The following ZDHHC11B variants were observed in gnomAD, a reference collection of about 807,000 sequenced individuals.
The protein encoded by ZDHHC11B is zDHHC palmitoyltransferase 11B (putative).
ZDHHC11B carries 17 observed loss-of-function variants against 42.3 expected under a neutral mutation model. That is an observed-to-expected ratio of 0.40 (90% CI 0.27 to 0.60). The LOEUF (loss-of-function observed/expected upper bound fraction) is 0.60, where lower values mean the gene tolerates loss of function less well. Ranked by LOEUF, ZDHHC11B falls within the 20% of genes least tolerant of loss-of-function variation. ZDHHC11B has a pLI of 0.41. For synonymous variants in ZDHHC11B, 123 were observed against 193.5 expected (o/e 0.64, Z 3.02); for missense variants, 262 against 463.2 (o/e 0.57, Z 3.99).
chr5:721,568 G>A (rs1205164963), intron 12 of ZDHHC11B, among the ~76,000 whole-genome samples: 1 of 151,370 alleles, frequency 6.6e-6, no homozygotes, highest in Non-Finnish European at 1.5e-5. Context: ...CGAGGATGGG[G>A]GTGGGATGTG....
intron 1 of ZDHHC11B, among the ~76,000 whole-genome samples, chr5:777,955 G>A (rs60949144): frequency 0.047 from 6,873 of 147,440 alleles, 5 homozygotes; most frequent in East Asian, 0.12. Context: ...GGCGGGTCCC[G>A]AGCCCTGCCC....
chr5:726,216 T>A (rs982362977), intron 12 of ZDHHC11B, among the ~76,000 whole-genome samples: 12 of 151,652 alleles, frequency 7.9e-5, no homozygotes, highest in African/African-American at 2.9e-4. Context: ...GTGAATGGAC[T>A]TTCCCCGTGT....
chr5:752,809 C>T (rs1745951860), intron 6 of ZDHHC11B, among the ~76,000 whole-genome samples: 4 of 104,784 alleles, frequency 3.8e-5, no homozygotes, highest in African/African-American at 1.1e-4. Flanking sequence ...CCTACCCTGC[C>T]CCCAGTCCTC....
Position 752,928 on chromosome 5 carries a change from G to C in ZDHHC11B, c.504-1671C>G, listed in dbSNP as rs1745965399. On this transcript the variant is annotated intron_variant, in intron 6 of 13. Coordinates refer to ENST00000508859, the MANE Select transcript of ZDHHC11B (RefSeq NM_001351303.2). Reference sequence around the variant, plus strand: ...AAGAAGGCGGGTCTCTAAGACCACAGAGACCAGAGACCACAGAGACCAAAG... The same window carrying C: ...AAGAAGGCGGGTCTCTAAGACCACACAGACCAGAGACCACAGAGACCAAAG... Among the ~76,000 whole-genome samples the C allele has an allele frequency of 1.6e-5, 2 of 127,964 alleles. 1 individual carries two copies. The highest frequency in any genetic ancestry group is 3.5e-5 in the Non-Finnish European group (2 of 57,294). 83.9% of individuals were successfully genotyped at this position (127,964 alleles called of 152,430 possible).
chr5:751,445 A>ATGC (rs1745693760), intron 6 of ZDHHC11B, among the ~76,000 whole-genome samples, 188 bp from the exon 7 acceptor site: 1 of 26,716 alleles, frequency 3.7e-5, no homozygotes, highest in African/African-American at 9.6e-5. Context: ...AGGCAGGGGC[A>ATGC]GGGACACGCA....
rs750955786 is a variant in ZDHHC11B, at chr5:748,503, G to T, written c.685C>A (p.Gln229Lys). 7.3e-7 allele frequency: 1 copy of T among 1,365,078 alleles called. No individual in the cohort carries two copies. Among genetic ancestry groups the T allele is most frequent in the Non-Finnish European group, 9.8e-7 (1 of 1,024,890 alleles). The allele number at this position is 1,365,078 out of a possible 1,614,324, so 84.6% of individuals were successfully genotyped here. A position where few individuals can be genotyped will look rare whatever the true frequency, so the allele number is the denominator to read the frequency against. ...CTGATGATCACGACTATCAGAGTCT[G>T]CACCTGCACCGGGAACAGGGGGAGG... ...LFLPLFPVQV[Q>K]TLIVVIIRML... The change falls in exon 8 of 14, where the codon CAG (glutamine) becomes AAG (lysine). Residue 229 changes from glutamine (Q) to lysine (K), a missense_variant. Gln to Lys is a moderately conservative substitution (Grantham distance 53, BLOSUM62 1). Around this residue, in one of 5 missense-constraint regions of ZDHHC11B, gnomAD observed 57 missense variants for 103.3 expected, o/e 0.55. Coordinates refer to ENST00000508859, the MANE Select transcript of ZDHHC11B (RefSeq NM_001351303.2).
chr5:765,256 C>T (rs1245138971), intron 4 of ZDHHC11B, among the ~76,000 whole-genome samples: 1 of 151,494 alleles, frequency 6.6e-6, no homozygotes, highest in Non-Finnish European at 1.5e-5. Flanking sequence ...CTATGTCTAG[C>T]TCGAGGTTTG....
intron 7 of ZDHHC11B, among the ~76,000 whole-genome samples, chr5:750,878 G>A (rs868253891): frequency 0.027 from 3,375 of 123,264 alleles, 35 homozygotes; most frequent in African/African-American, 0.087. Flanking sequence ...ACTGTCTCTC[G>A]CCTGACACGA....
At chr5:732,651 G>A (rs1229213936) in intron 11 of ZDHHC11B, 2 of 451,618 alleles carry the variant, frequency 4.4e-6, no homozygotes, top group Non-Finnish European at 8.9e-6. Context: ...CTGGGGAAGT[G>A]CGGTGAGGCG....
chr5:764,507 C>T, intron 4 of ZDHHC11B, among the ~76,000 whole-genome samples: 1 of 151,924 alleles, frequency 6.6e-6, no homozygotes, highest in Admixed American at 6.6e-5. Context: ...AGCACCTAGG[C>T]CAGCAGCTGT....
chr5:713,607 GC>G (rs1741526201), intron 13 of ZDHHC11B, among the ~76,000 whole-genome samples: 1 of 151,978 alleles, frequency 6.6e-6, no homozygotes, highest in African/African-American at 2.4e-5. Flanking sequence ...ATTATGCTTG[GC>G]TCCTGGGAAT....
intron 1 of ZDHHC11B, among the ~76,000 whole-genome samples, chr5:774,669 G>A (rs1736324113): frequency 6.7e-6 from 1 of 150,028 alleles, no homozygotes; most frequent in South Asian, 2.1e-4. Flanking sequence ...TGCCCCTTGG[G>A]CCTGGAGCCT....
At chr5:766,180 A>T (rs1735321225) in intron 4 of ZDHHC11B, among the ~76,000 whole-genome samples, 1 of 151,764 alleles carries the variant, frequency 6.6e-6, no homozygotes, top group South Asian at 2.1e-4. Context: ...CTGGAAGATG[A>T]TGGGAGCAGA....
At position 711,204 on chromosome 5, in the gene ZDHHC11B, C is replaced by G. The variant is rs62332063; in HGVS notation, c.*1086G>C. On this transcript the variant is annotated 3_prime_UTR_variant, in exon 14 of 14. Coordinates refer to ENST00000508859, the MANE Select transcript of ZDHHC11B (RefSeq NM_001351303.2). ...ATGCTCCCATTTCCCAGTGCTGTGC[C>G]CTCCCCTTTCCCAGTACTGTGCTCC... 0.56 allele frequency: 77,157 copies of G among 138,424 alleles called. 17,668 individuals are homozygous for G. The highest frequency in any genetic ancestry group is 0.62 in the Middle Eastern group (1,171 of 1,874). 8.6% of individuals were successfully genotyped at this position (138,424 alleles called of 1,614,324 possible).
At chr5:770,391 A>G (rs1161965434) in intron 1 of ZDHHC11B, among the ~76,000 whole-genome samples, 3 of 150,118 alleles carry the variant, frequency 2.0e-5, no homozygotes, top group African/African-American at 4.9e-5. Flanking sequence ...TAAAGCCAGC[A>G]GCACGCAGAG....
At chr5:761,601 A>G (rs6889210) in intron 4 of ZDHHC11B, among the ~76,000 whole-genome samples, 4,702 of 150,896 alleles carry the variant, frequency 0.031, 265 homozygotes, top group African/African-American at 0.11. Context: ...CAAGGCTGGC[A>G]GTGTGTGCCG....
chr5:783,205 C>T (rs1736984804), intron 1 of ZDHHC11B, among the ~76,000 whole-genome samples: 1 of 152,244 alleles, frequency 6.6e-6, no homozygotes, highest in Non-Finnish European at 1.5e-5. Flanking sequence ...TGGAGCTCGC[C>T]TTCTGCAGCC....
chr5:718,476 A>G (rs1480746574), intron 12 of ZDHHC11B, among the ~76,000 whole-genome samples: 1 of 151,690 alleles, frequency 6.6e-6, no homozygotes, highest in African/African-American at 2.4e-5. Context: ...GATCGAGAAC[A>G]TCCTGGCTAA....
At chr5:772,832 C>G (rs572174133) in intron 1 of ZDHHC11B, among the ~76,000 whole-genome samples, 1 of 151,840 alleles carries the variant, frequency 6.6e-6, no homozygotes, top group East Asian at 1.9e-4. Flanking sequence ...AGGGGTCTCA[C>G]GTGGGGACTC....
Sources: allele counts gnomAD v4.1 joint callset (sites outside exome capture counted in the v4.1 genomes callset), GRCh38; gene constraint gnomAD v4.1.1; regional missense constraint gnomAD v4.1.1; transcripts MANE v1.5; gene names NCBI Gene and HGNC (gene_info 2026-07-23, HGNC 2026-07-21).